The following HSD11B1L variants were observed in gnomAD, a reference collection of about 807,000 sequenced individuals.
HSD11B1L encodes hydroxysteroid 11-beta dehydrogenase 1 like.
In HSD11B1L, 22 loss-of-function variants were observed where a neutral mutation model predicts 27.0. The observed-to-expected ratio is 0.81, with a 90% CI of 0.58 to 1.16. HSD11B1L has a LOEUF of 1.16. Among genes scored for constraint, HSD11B1L ranks in the 50% most tolerant of loss-of-function variants. The pLI, the probability that HSD11B1L is intolerant of heterozygous loss-of-function variation, is 0.00. For synonymous variants in HSD11B1L, 187 were observed against 189.2 expected (o/e 0.99, Z 0.09); for missense variants, 372 against 401.8 (o/e 0.93, Z 0.63).
rs1568300000 is a variant in HSD11B1L, at chr19:5,685,557, CAAAAAA to C, written c.204+439_204+444del. ...TGAAACCCTGTCTCTACTAAAAATACAAAAAATAAAAATAAAATAAATAAATAAAAA... is the reference window on the plus strand; with the variant it reads ...TGAAACCCTGTCTCTACTAAAAATACTAAAAATAAAATAAATAAATAAAAA... On this transcript the variant is annotated intron_variant, in intron 3 of 7. Coordinates refer to ENST00000339423, the MANE Select transcript of HSD11B1L (RefSeq NM_198706.3). The surrounding 1 kb of genome is among the most constrained non-coding windows in gnomAD (Gnocchi z 4.3). 5.6e-6 allele frequency: 1 copy of C among 178,710 alleles called. No individual in the cohort carries two copies. Among genetic ancestry groups the C allele is most frequent in the Non-Finnish European group, 1.2e-5 (1 of 82,370 alleles). 11.1% of individuals were successfully genotyped at this position (178,710 alleles called of 1,614,324 possible). A position where few individuals can be genotyped will look rare whatever the true frequency, so the allele number is the denominator to read the frequency against.
In HSD11B1L at chr19:5,687,872, T is replaced by A. The variant is rs1395780762; in HGVS notation, c.788T>A (p.Leu263His). 5.7e-6 allele frequency: 9 copies of A among 1,580,712 alleles called. No individual in the cohort carries two copies. In the East Asian group the frequency reaches 1.6e-4, roughly 29 times the overall value. ...TGGCGTTTCCGCCTGCTGTGCTTGC[T>A]CCGGCGCTGGCTACCGCGCCCGCGG... is the stretch of plus-strand genomic sequence containing the variant. ...YPWRFRLLCLLRRWLPRPRAW... is the reference protein window; with the variant it reads ...YPWRFRLLCLHRRWLPRPRAW... Residue 263 changes from leucine to histidine, a missense_variant, in exon 8 of 8, where the codon CTC becomes CAC. By Grantham distance (99) the Leu-to-His change is moderately conservative. Coordinates refer to ENST00000339423, the MANE Select transcript of HSD11B1L (RefSeq NM_198706.3). This position sits in a 1 kb window ranked among gnomAD's most constrained non-coding sequence, Gnocchi z 6.6.
At position 5,685,483 on chromosome 19, in the gene HSD11B1L, G is replaced by A. The variant is rs1374980615; in HGVS notation, c.204+364G>A. ...TCCTAGCACTTTGGGAGGCCAAGGC[G>A]GATGGATCACTTGAGGTCAGGAGTT... On this transcript the variant is annotated intron_variant, in intron 3 of 7. Transcript: ENST00000339423. This position sits in a 1 kb window ranked among gnomAD's most constrained non-coding sequence, Gnocchi z 4.3. 21 of 354,612 alleles carry A rather than the reference G, an allele frequency of 5.9e-5. No individual in the cohort carries two copies. The highest frequency in any genetic ancestry group is 2.0e-4 in the South Asian group (9 of 46,132). 22.0% of individuals were successfully genotyped at this position (354,612 alleles called of 1,614,324 possible). A position where few individuals can be genotyped will look rare whatever the true frequency, so the allele number is the denominator to read the frequency against.
At position 5,684,908 on chromosome 19, in the gene HSD11B1L, G is replaced by A. The variant is rs772884295; in HGVS notation, c.73+3G>A. 15 of 1,613,502 alleles carry A rather than the reference G, an allele frequency of 9.3e-6. No individual in the cohort carries two copies. The highest frequency in any genetic ancestry group is 1.2e-5 in the Non-Finnish European group (14 of 1,179,898). On this transcript the variant is annotated splice_donor_region_variant and intron_variant, in intron 2 of 7. Coordinates refer to ENST00000339423, the MANE Select transcript of HSD11B1L (RefSeq NM_198706.3). Reference sequence around the variant, plus strand: ...TTGGGATGACAACTTCGACCCAGGTGAGCACCTGGGGTTGAGGGAGGGAGA... The same window carrying A: ...TTGGGATGACAACTTCGACCCAGGTAAGCACCTGGGGTTGAGGGAGGGAGA...
chr19:5,683,943 C>A, intron 1 of HSD11B1L: 1 of 387,972 alleles, frequency 2.6e-6, no homozygotes, highest in South Asian at 1.1e-4. Context: ...AAAAAGGAGG[C>A]CCTCACTTGA....
In HSD11B1L at chr19:5,687,299, C is replaced by T; in HGVS notation, c.426C>T (p.Tyr142=). ...RWLMQVNFVS[Y]VQLTSRALPS... ...GCCTGCAGGTAAACTTTGTGAGCTA[C>T]GTGCAACTGACGTCGCGGGCGCTGC... The change falls in exon 6 of 8, where the codon TAC becomes TAT. Residue 142 remains tyrosine, a synonymous_variant. Transcript: ENST00000339423. This position sits in a 1 kb window ranked among gnomAD's most constrained non-coding sequence, Gnocchi z 6.6. 2 of 1,612,766 alleles carry T rather than the reference C, an allele frequency of 1.2e-6. No individual in the cohort carries two copies. The highest frequency in any genetic ancestry group is 8.5e-7 in the Non-Finnish European group (1 of 1,179,788).
In HSD11B1L at chr19:5,687,801, C is replaced by A. The variant is rs569248499; in HGVS notation, c.717C>A (p.Ala239=). 6 of 1,516,016 alleles carry A rather than the reference C, an allele frequency of 4.0e-6. No individual in the cohort carries two copies. In the Admixed American group the frequency reaches 1.1e-4, roughly 28 times the overall value. 93.9% of individuals were successfully genotyped at this position (1,516,016 alleles called of 1,614,324 possible). A position where few individuals can be genotyped will look rare whatever the true frequency, so the allele number is the denominator to read the frequency against. ...KAAPGPKAAL[A]VIRGGATRAA... ...CCCCGGGGCCCAAGGCAGCCCTGGC[C>A]GTGATCCGCGGCGGCGCCACGCGCG... is the stretch of plus-strand genomic sequence containing the variant. The change falls in exon 8 of 8, where the codon GCC becomes GCA. Residue 239 remains alanine, a synonymous_variant. Transcript: ENST00000339423. This position sits in a 1 kb window ranked among gnomAD's most constrained non-coding sequence, Gnocchi z 6.6.
At position 5,688,397 on chromosome 19, in the gene HSD11B1L, C is replaced by A. The variant is rs911768900; in HGVS notation, c.*452C>A. 1.8e-5 allele frequency: 11 copies of A among 601,980 alleles called. No homozygotes were observed. The African/African-American group carries it at 1.9e-4, about 10-fold the overall frequency. The allele number at this position is 601,980 out of a possible 1,614,324, so 37.3% of individuals were successfully genotyped here. ...GCTGGGGTCTCTGGTACTCTTCACA[C>A]CTGCAGGGGCGTCTACACTGTTCGT... On this transcript the variant is annotated 3_prime_UTR_variant, in exon 8 of 8. Coordinates refer to ENST00000339423, the MANE Select transcript of HSD11B1L (RefSeq NM_198706.3).
intron 1 of HSD11B1L, among the ~76,000 whole-genome samples, chr19:5,681,664 GTCCATCCATCCATCCA>G (rs749666565): frequency 6.8e-6 from 1 of 147,740 alleles, no homozygotes; most frequent in African/African-American, 2.5e-5. Context: ...GCATCCGTCC[GTCCATCCATCCATCCA>G]TCCATCCATC....
In HSD11B1L at chr19:5,688,073, A is replaced by G. The variant is rs771990238; in HGVS notation, c.*128A>G. On this transcript the variant is annotated 3_prime_UTR_variant, in exon 8 of 8. Coordinates refer to ENST00000339423, the MANE Select transcript of HSD11B1L (RefSeq NM_198706.3). ...GCCCAAGATGAAGTCATCAAGACAG[A>G]AAAGCAAAACCGAGAAAAACGACGG... 2.7e-5 allele frequency: 42 copies of G among 1,551,518 alleles called. No homozygotes were observed. The highest frequency in any genetic ancestry group is 7.8e-5 in the Admixed American group (4 of 50,986).
intron 1 of HSD11B1L, chr19:5,684,499 G>A (rs1227992837): frequency 4.0e-6 from 2 of 505,148 alleles, no homozygotes; most frequent in Non-Finnish European, 7.1e-6. Context: ...GAGCAAGGAG[G>A]ACAGGTCCAC....
chr19:5,684,054 C>A, intron 1 of HSD11B1L: 1 of 484,510 alleles, frequency 2.1e-6, no homozygotes, highest in Non-Finnish European at 3.7e-6. Flanking sequence ...CGGCACACTA[C>A]AACTTCTGCC....
intron 1 of HSD11B1L, chr19:5,683,972 TTTTG>T (rs954010295): frequency 1.8e-4 from 75 of 416,192 alleles, no homozygotes; most frequent in South Asian, 8.0e-4. Flanking sequence ...ACTGTTCTTT[TTTTG>T]TTTGTTTGTT....
At position 5,687,127 on chromosome 19, in the gene HSD11B1L, C is replaced by G. The variant is rs2054717802; in HGVS notation, c.408+136C>G. 2 of 1,133,310 alleles carry G rather than the reference C, an allele frequency of 1.8e-6. No homozygotes were observed. Among genetic ancestry groups the G allele is most frequent in the Non-Finnish European group, 1.3e-6 (1 of 796,310 alleles). 70.2% of individuals were successfully genotyped at this position (1,133,310 alleles called of 1,614,324 possible). A position where few individuals can be genotyped will look rare whatever the true frequency, so the allele number is the denominator to read the frequency against. On this transcript the variant is annotated intron_variant, in intron 5 of 7. Coordinates refer to ENST00000339423, the MANE Select transcript of HSD11B1L (RefSeq NM_198706.3). This position sits in a 1 kb window ranked among gnomAD's most constrained non-coding sequence, Gnocchi z 6.6. ...CGCCCCAGCCACGCCCCTCCTAGCC[C>G]AAGCCCCTGCTCCGGCCTTGACCCC...
chr19:5,681,731 C>T (rs1164810651), intron 1 of HSD11B1L, among the ~76,000 whole-genome samples: 4 of 152,176 alleles, frequency 2.6e-5, no homozygotes, highest in Admixed American at 2.6e-4. Context: ...CATCCATCCA[C>T]TCATCCATCT....
chr19:5,686,318 G>A (rs139859265), intron 3 of HSD11B1L, 98 bp from the exon 4 acceptor site: 2 of 798,838 alleles, frequency 2.5e-6, no homozygotes, highest in East Asian at 2.7e-5. Flanking sequence ...AGTAGGGGGG[G>A]GTTTTCAGGC....
Position 5,687,188 on chromosome 19 carries a change from C to T in HSD11B1L, c.409-94C>T. 1 of 1,407,754 alleles carries T rather than the reference C, an allele frequency of 7.1e-7. No homozygotes were observed. Among genetic ancestry groups the T allele is most frequent in the Non-Finnish European group, 9.7e-7 (1 of 1,026,648 alleles). 87.2% of individuals were successfully genotyped at this position (1,407,754 alleles called of 1,614,324 possible). A position where few individuals can be genotyped will look rare whatever the true frequency, so the allele number is the denominator to read the frequency against. On this transcript the variant is annotated intron_variant, in intron 5 of 7. Transcript: ENST00000339423. The surrounding 1 kb of genome is among the most constrained non-coding windows in gnomAD (Gnocchi z 6.6). ...CCGCCTTCCGGGTTTCTGGCCCCGT[C>T]TCTGACCCGGCCCTGGCCCCGCCCT...
In HSD11B1L at chr19:5,684,263, G is replaced by A. The variant is rs1401865821; in HGVS notation, c.-14-556G>A. On this transcript the variant is annotated intron_variant, in intron 1 of 7. Coordinates refer to ENST00000339423, the MANE Select transcript of HSD11B1L (RefSeq NM_198706.3). ...ACTCCTGATCTCAAGTGATTTGCCC[G>A]CCTCAGCCTCCCAAAGTGCTGGGAT... 4.2e-5 allele frequency: 14 copies of A among 335,560 alleles called. 1 individual carries two copies. The Middle Eastern group carries it at 1.4e-3, about 34-fold the overall frequency. 20.8% of individuals were successfully genotyped at this position (335,560 alleles called of 1,614,324 possible).
At chr19:5,684,967 T>G in intron 2 of HSD11B1L, 22 bp from the exon 3 acceptor site, 1 of 1,612,176 alleles carries the variant, frequency 6.2e-7, no homozygotes, top group Middle Eastern at 1.6e-4. Context: ...CCGCCCAGAG[T>G]GACCACCCCG....
intron 1 of HSD11B1L, among the ~76,000 whole-genome samples, chr19:5,681,640 ATCCATCCATCCATGCATCCGTCCG>A (rs1485641878): frequency 2.0e-5 from 3 of 151,164 alleles, no homozygotes; most frequent in Non-Finnish European, 2.9e-5. Flanking sequence ...CCATCCATCC[ATCCATCCATCCATGCATCCGTCCG>A]TCCATCCATC....
Sources: gnomAD v4.1 joint callset for allele counts (sites outside exome capture counted in the v4.1 genomes callset) on GRCh38, gnomAD v4.1.1 for gene constraint, Gnocchi (gnomAD v3.1) non-coding constraint, MANE v1.5 for transcripts, NCBI Gene and HGNC (gene_info 2026-07-23, HGNC 2026-07-21) for gene names.